The following TNKS variants were observed in gnomAD, a reference collection of about 807,000 sequenced individuals.
The protein encoded by TNKS is poly [ADP-ribose] polymerase tankyrase-1.
Under a neutral mutation model 135.8 loss-of-function variants are expected in TNKS, and 72 were observed. That is an observed-to-expected ratio of 0.53 (90% CI 0.44 to 0.64). The LOEUF (loss-of-function observed/expected upper bound fraction) is 0.64. Ranked by LOEUF, TNKS falls within the 30% of genes least tolerant of loss-of-function variation. The pLI, the probability that TNKS is intolerant of heterozygous loss-of-function variation, is 0.00. For missense variants in TNKS, 1,769 were observed against 1,674.0 expected, an observed-to-expected ratio of 1.06 and a Z score of -0.99; for synonymous variants, 849 against 649.3, an observed-to-expected ratio of 1.31 and a Z score of -4.68.
intron 11 of TNKS, among the ~76,000 whole-genome samples, chr8:9,717,101 A>ATATATTTTTTTT (rs1454492300): frequency 8.4e-5 from 10 of 119,322 alleles, no homozygotes; most frequent in African/African-American, 2.9e-4. Context: ...ATATATATAT[A>ATATATTTTTTTT]TTTTCAGGGA....
intron 18 of TNKS, among the ~76,000 whole-genome samples, chr8:9,750,104 A>T (rs1389737983): frequency 6.6e-6 from 1 of 152,204 alleles, no homozygotes; most frequent in Non-Finnish European, 1.5e-5. Context: ...AGATCCTTTG[A>T]AGCTCTTTCA....
chr8:9,646,006 T>C (rs1585271368), intron 3 of TNKS, among the ~76,000 whole-genome samples: 1 of 152,188 alleles, frequency 6.6e-6, no homozygotes, highest in Non-Finnish European at 1.5e-5. Flanking sequence ...AGTTCTTCAA[T>C]TTCTCATAGT....
rs913431165 is a variant in TNKS, at chr8:9,778,499, G to C, written c.*1763G>C. On this transcript the variant is annotated 3_prime_UTR_variant, in exon 27 of 27. Transcript: ENST00000310430. ...GTGCTGGAACTAGGCATCCAGACTA[G>C]TTTGAATGTTTGTAGCTGAATTTTT... is the stretch of plus-strand genomic sequence containing the variant. 1 of 152,632 alleles carries C rather than the reference G, an allele frequency of 6.6e-6. No homozygotes were observed. Among genetic ancestry groups the C allele is most frequent in the Non-Finnish European group, 1.5e-5 (1 of 68,036 alleles). 9.5% of individuals were successfully genotyped at this position (152,632 alleles called of 1,614,324 possible). A position where few individuals can be genotyped will look rare whatever the true frequency, so the allele number is the denominator to read the frequency against.
At chr8:9,655,424 G>T (rs549903725) in intron 3 of TNKS, among the ~76,000 whole-genome samples, 1 of 152,190 alleles carries the variant, frequency 6.6e-6, no homozygotes, top group Non-Finnish European at 1.5e-5. Context: ...CTTGAGATCC[G>T]AGAACGGGCA....
chr8:9,668,555 C>G (rs1036546055), intron 3 of TNKS, among the ~76,000 whole-genome samples: 1 of 152,170 alleles, frequency 6.6e-6, no homozygotes, highest in Non-Finnish European at 1.5e-5. Flanking sequence ...AAGCAAATAA[C>G]TTGCCTAAAA....
At chr8:9,750,466 A>T (rs1806461459) in intron 18 of TNKS, among the ~76,000 whole-genome samples, 1 of 152,214 alleles carries the variant, frequency 6.6e-6, no homozygotes, top group African/African-American at 2.4e-5. Flanking sequence ...AGCCAAATTT[A>T]CAAATTTATT....
intron 26 of TNKS, among the ~76,000 whole-genome samples, chr8:9,775,246 A>C (rs1224601152): frequency 6.6e-6 from 1 of 152,008 alleles, no homozygotes; most frequent in Non-Finnish European, 1.5e-5. Context: ...GTATGTCTTA[A>C]GATAAAACTA....
chr8:9,583,312 T>A (rs1013247949), intron 2 of TNKS, among the ~76,000 whole-genome samples: 13 of 152,144 alleles, frequency 8.5e-5, no homozygotes, highest in African/African-American at 3.1e-4. Flanking sequence ...AACAAACTAC[T>A]TAAGACTGTG....
chr8:9,671,323 A>T (rs940404326), intron 3 of TNKS: 4 of 152,204 alleles, frequency 2.6e-5, no homozygotes, highest in Admixed American at 1.3e-4. Context: ...AGCTTTCTTC[A>T]TAATCACCCA....
At position 9,587,559 on chromosome 8, in the gene TNKS, C is replaced by T. The variant is rs189150941; in HGVS notation, c.898+7176C>T. On this transcript the variant is annotated intron_variant, in intron 2 of 26. Transcript: ENST00000310430. ...GGACTGCAGGCTCTGCCACCACGCCCGGGTAATTTTGTTTTTGTATTTTTA... is the reference window on the plus strand; with the variant it reads ...GGACTGCAGGCTCTGCCACCACGCCTGGGTAATTTTGTTTTTGTATTTTTA... 1.4e-3 allele frequency among the ~76,000 whole-genome samples: 209 copies of T among 152,152 alleles called. 1 individual carries two copies. Among genetic ancestry groups the T allele is most frequent in the Non-Finnish European group, 1.2e-3 (85 of 68,008 alleles).
At chr8:9,682,861 G>A (rs148200700) in intron 5 of TNKS, among the ~76,000 whole-genome samples, 1,529 of 151,786 alleles carry the variant, frequency 0.01, 25 homozygotes, top group African/African-American at 0.035. Context: ...AGGGAGAACC[G>A]TATAATTTAT....
Position 9,708,628 on chromosome 8 carries a change from T to C in TNKS, c.1578+136T>C, listed in dbSNP as rs115891075. On this transcript the variant is annotated intron_variant, in intron 9 of 26. Coordinates refer to ENST00000310430, the MANE Select transcript of TNKS (RefSeq NM_003747.3). ...AATTTGCATGTTAATTTTGGTTGCA[T>C]TGATTTTTAAACTTAGTTTGGGGGG... The C allele has an allele frequency of 1.1e-5, 11 of 994,590 alleles. No homozygotes were observed. The African/African-American group carries it at 1.3e-4, about 12-fold the overall frequency. The allele number at this position is 994,590 out of a possible 1,614,324, so 61.6% of individuals were successfully genotyped here.
chr8:9,563,395 TG>T (rs1404114234), intron 1 of TNKS, among the ~76,000 whole-genome samples: 1 of 152,188 alleles, frequency 6.6e-6, no homozygotes, highest in East Asian at 1.9e-4. Flanking sequence ...TTTTAGGCTT[TG>T]TAGCCATATG....
intron 3 of TNKS, among the ~76,000 whole-genome samples, chr8:9,619,264 T>C (rs1462128091): frequency 6.6e-6 from 1 of 152,064 alleles, no homozygotes; most frequent in East Asian, 1.9e-4. Context: ...AAGTTAAAGG[T>C]GGTTGACAAA....
At chr8:9,645,735 G>A (rs780727539) in intron 3 of TNKS, among the ~76,000 whole-genome samples, 2 of 152,128 alleles carry the variant, frequency 1.3e-5, no homozygotes, top group African/African-American at 2.4e-5. Context: ...AGGATCCTCT[G>A]TGTTTGATCT....
intron 13 of TNKS, among the ~76,000 whole-genome samples, chr8:9,729,281 GA>G (rs2128816579): frequency 6.6e-6 from 1 of 152,204 alleles, no homozygotes; most frequent in Admixed American, 6.5e-5. Context: ...ATTCCAGAAG[GA>G]CACAAACATT....
intron 2 of TNKS, among the ~76,000 whole-genome samples, chr8:9,586,312 A>T (rs979411178): frequency 6.6e-6 from 1 of 152,202 alleles, no homozygotes; most frequent in South Asian, 2.1e-4. Context: ...CCATAATTAA[A>T]GTTGGTTATC....
chr8:9,778,151 A>T lies in TNKS; in HGVS notation c.*1415A>T, dbSNP rs916871619. 6.2e-4 allele frequency: 95 copies of T among 152,570 alleles called. 1 individual carries two copies. Among genetic ancestry groups the T allele is most frequent in the African/African-American group, 2.0e-3 (84 of 41,410 alleles). The allele number at this position is 152,570 out of a possible 1,614,324, so 9.5% of individuals were successfully genotyped here. On this transcript the variant is annotated 3_prime_UTR_variant, in exon 27 of 27. Transcript: ENST00000310430. ...AAGTGCCATTGACATTTATAAAAAA[A>T]AATGATCCTTTATAGTTCTTACACT...
At chr8:9,638,856 C>G (rs34638238) in intron 3 of TNKS, among the ~76,000 whole-genome samples, 16,006 of 152,002 alleles carry the variant, frequency 0.11, 1,160 homozygotes, top group East Asian at 0.22. Flanking sequence ...TACAGGAGAA[C>G]TGAGTGTATA....
Sources: gnomAD v4.1 joint callset for allele counts (sites outside exome capture counted in the v4.1 genomes callset) on GRCh38, gnomAD v4.1.1 for gene constraint, MANE v1.5 for transcripts, NCBI Gene and HGNC (gene_info 2026-07-23, HGNC 2026-07-21) for gene names.